HLCS: variants seen among roughly 807,000 people sequenced by gnomAD.
HLCS encodes the protein biotin--protein ligase.
Under a neutral mutation model 75.0 loss-of-function variants are expected in HLCS, and 53 were observed. The ratio of observed to expected loss-of-function variants is 0.71; its 90% CI spans 0.57 to 0.89. HLCS has a LOEUF of 0.89. Ranked by LOEUF, HLCS falls within the 40% of genes least tolerant of loss-of-function variation. The pLI is 0.00. For missense variants in HLCS, 966 were observed against 1,074.0 expected (o/e 0.90, Z 1.41); for synonymous variants, 431 against 428.6 (o/e 1.01, Z -0.07).
intron 2 of HLCS, among the ~76,000 whole-genome samples, chr21:36,944,925 A>G (rs2067313351): frequency 6.6e-6 from 1 of 152,144 alleles, no homozygotes; most frequent in Non-Finnish European, 1.5e-5. Context: ...GATCGAGACC[A>G]TCCTAGTTAA....
intron 1 of HLCS, among the ~76,000 whole-genome samples, chr21:36,986,511 C>T (rs998498956): frequency 3.3e-5 from 5 of 152,166 alleles, no homozygotes; most frequent in Admixed American, 2.0e-4. Flanking sequence ...CTCCGCCTCC[C>T]GGGTTCAAGT....
At chr21:36,823,608 A>AGGGG (rs67865241) in intron 6 of HLCS, among the ~76,000 whole-genome samples, 1 of 75,876 alleles carries the variant, frequency 1.3e-5, no homozygotes, top group African/African-American at 7.9e-5. Context: ...TCAAACGTGC[A>AGGGG]GGGTGTGTGT....
intron 6 of HLCS, among the ~76,000 whole-genome samples, chr21:36,855,341 G>C (rs933060398): frequency 6.6e-6 from 1 of 151,066 alleles, no homozygotes; most frequent in Non-Finnish European, 1.5e-5. Context: ...GACCAGTCTT[G>C]TCAACATGGT....
intron 6 of HLCS, among the ~76,000 whole-genome samples, chr21:36,793,455 C>A (rs775812668): frequency 6.1e-4 from 93 of 152,160 alleles, no homozygotes; most frequent in Non-Finnish European, 9.6e-4. Context: ...GCATGCACCA[C>A]CATGCCCAAA....
intron 5 of HLCS, among the ~76,000 whole-genome samples, chr21:36,899,453 G>A (rs889125537): frequency 3.9e-5 from 6 of 151,916 alleles, no homozygotes; most frequent in East Asian, 1.9e-4. Flanking sequence ...GTGAGACCCC[G>A]TCTCTAATAA....
intron 5 of HLCS, among the ~76,000 whole-genome samples, chr21:36,906,545 G>T (rs1487935707): frequency 1.3e-5 from 2 of 151,936 alleles, no homozygotes; most frequent in African/African-American, 4.8e-5. Context: ...AACACAAAAA[G>T]AAAATTAAAG....
intron 6 of HLCS, among the ~76,000 whole-genome samples, chr21:36,874,886 C>A (rs1319169035): frequency 1.3e-5 from 2 of 152,062 alleles, no homozygotes; most frequent in African/African-American, 2.4e-5. Flanking sequence ...GGAAGCACCC[C>A]CGGTCCCTGC....
At chr21:36,910,723 G>C (rs2065667972) in intron 5 of HLCS, among the ~76,000 whole-genome samples, 1 of 152,134 alleles carries the variant, frequency 6.6e-6, no homozygotes, top group African/African-American at 2.4e-5. Context: ...CTGCGTGTGT[G>C]CACCTCCTCA....
At chr21:36,770,031 T>C (rs2090176140) in intron 6 of HLCS, among the ~76,000 whole-genome samples, 1 of 151,918 alleles carries the variant, frequency 6.6e-6, no homozygotes, top group African/African-American at 2.4e-5. Context: ...ATTAAGTCAA[T>C]GGAATAATTT....
intron 6 of HLCS, among the ~76,000 whole-genome samples, chr21:36,889,358 A>T (rs2064676749): frequency 6.6e-6 from 1 of 152,130 alleles, no homozygotes; most frequent in African/African-American, 2.4e-5. Flanking sequence ...ACGTCATTTC[A>T]CTCTCTGATG....
At chr21:36,815,027 CTTTTT>C (rs1195265718) in intron 6 of HLCS, among the ~76,000 whole-genome samples, 2 of 129,170 alleles carry the variant, frequency 1.5e-5, no homozygotes, top group Non-Finnish European at 1.7e-5. Flanking sequence ...TGAAGCTTTG[CTTTTT>C]TTTTTTTTTT....
chr21:36,775,582 G>A (rs888370462), intron 6 of HLCS, among the ~76,000 whole-genome samples: 1 of 152,184 alleles, frequency 6.6e-6, no homozygotes, highest in East Asian at 1.9e-4. Flanking sequence ...CCTTCACTGC[G>A]CCACTGCACA....
intron 6 of HLCS, among the ~76,000 whole-genome samples, chr21:36,865,246 C>A (rs2063515851): frequency 6.6e-6 from 1 of 151,958 alleles, no homozygotes. Context: ...CCACTCCCCA[C>A]TTATGTGCCC....
intron 1 of HLCS, among the ~76,000 whole-genome samples, chr21:36,989,938 T>A (rs1261928598): frequency 6.6e-6 from 1 of 151,946 alleles, no homozygotes; most frequent in Non-Finnish European, 1.5e-5. Context: ...CGCGCTGCCC[T>A]GGGCCGCGAG....
intron 6 of HLCS, among the ~76,000 whole-genome samples, chr21:36,810,441 G>A (rs1223477269): frequency 6.6e-6 from 1 of 152,092 alleles, no homozygotes; most frequent in East Asian, 1.9e-4. Context: ...TTTTCTTCTA[G>A]GAGTCCCTCT....
At chr21:36,980,720 G>A (rs1324115866) in intron 1 of HLCS, 2 of 152,302 alleles carry the variant, frequency 1.3e-5, no homozygotes, top group Non-Finnish European at 2.9e-5. Context: ...GCACCCAGGG[G>A]GGTGAAGGCG....
chr21:36,756,156 C>A (rs554271449), intron 10 of HLCS, among the ~76,000 whole-genome samples: 4 of 152,106 alleles, frequency 2.6e-5, no homozygotes, highest in Middle Eastern at 3.4e-3. Context: ...TACTGAACTA[C>A]GGCCGGGCGC....
chr21:36,864,203 C>G (rs1041161292), intron 6 of HLCS, among the ~76,000 whole-genome samples: 2 of 151,904 alleles, frequency 1.3e-5, no homozygotes, highest in Non-Finnish European at 2.9e-5. Flanking sequence ...AGTTTGAGAC[C>G]AGCCTGGCCA....
intron 6 of HLCS, among the ~76,000 whole-genome samples, chr21:36,862,933 TTC>T (rs2063428798): frequency 6.7e-6 from 1 of 148,964 alleles, no homozygotes; most frequent in Non-Finnish European, 1.5e-5. Context: ...CACTTGTCAT[TTC>T]TCTTTCTCTC....
Sources: allele counts gnomAD v4.1 joint callset (sites outside exome capture counted in the v4.1 genomes callset), GRCh38; gene constraint gnomAD v4.1.1; transcripts MANE v1.5; gene names NCBI Gene and HGNC (gene_info 2026-07-23, HGNC 2026-07-21).